CADPS2: variants seen among roughly 807,000 people sequenced by gnomAD.
CADPS2 encodes calcium dependent secretion activator 2.
A neutral mutation model predicts 172.5 loss-of-function variants in CADPS2; 93 were observed. That is an observed-to-expected ratio of 0.54 (90% CI 0.46 to 0.64). CADPS2 has a LOEUF of 0.64. Among genes scored for constraint, CADPS2 ranks in the 30% least tolerant of loss-of-function variants. The probability of loss-of-function intolerance (pLI) is 0.00; values close to 1 mark genes in which losing one functional copy is unlikely to be tolerated. For synonymous variants in CADPS2, 546 were observed against 555.2 expected (o/e 0.98, Z 0.23); for missense variants, 1,420 against 1,565.9 (o/e 0.91, Z 1.57).
intron 2 of CADPS2, among the ~76,000 whole-genome samples, chr7:122,718,326 G>A (rs1367230981): frequency 6.6e-6 from 1 of 151,942 alleles, no homozygotes; most frequent in African/African-American, 2.4e-5. Flanking sequence ...TGACAAGAAG[G>A]GGGAAGAGGA....
chr7:122,576,795 T>TG (rs1382451395), intron 7 of CADPS2, among the ~76,000 whole-genome samples: 3 of 146,980 alleles, frequency 2.0e-5, no homozygotes, highest in African/African-American at 7.6e-5. Context: ...TTTTTTGAGA[T>TG]GGAGTCTTGC....
At chr7:122,721,185 C>A (rs1375694175) in intron 2 of CADPS2, among the ~76,000 whole-genome samples, 1 of 151,846 alleles carries the variant, frequency 6.6e-6, no homozygotes, top group African/African-American at 2.4e-5. Flanking sequence ...ATAATTAATT[C>A]CTGCTTATAA....
At chr7:122,598,609 C>T (rs11769723) in intron 6 of CADPS2, among the ~76,000 whole-genome samples, 28,406 of 151,980 alleles carry the variant, frequency 0.19, 3,525 homozygotes, top group Non-Finnish European at 0.28. Flanking sequence ...TCCATTCAGA[C>T]TCATTTAACT....
At position 122,873,036 on chromosome 7, in the gene CADPS2, T is replaced by A. The variant is rs575161646; in HGVS notation, c.339+12963A>T. Among the ~76,000 whole-genome samples, 7 of 152,034 alleles carry A rather than the reference T, an allele frequency of 4.6e-5. No homozygotes were observed. In the East Asian group the frequency reaches 9.7e-4, roughly 21 times the overall value. The stretch of plus-strand genomic sequence containing the variant: ...TCTGTCCCTAGCTCCAGGAAAGGAG[T>A]ACAGAAATGCCCTTAAACACAGGGA... On this transcript the variant is annotated intron_variant, in intron 1 of 29. Transcript: ENST00000449022.
At chr7:122,343,579 A>G (rs9655839) in intron 28 of CADPS2, among the ~76,000 whole-genome samples, 3,168 of 152,302 alleles carry the variant, frequency 0.021, 105 homozygotes, top group African/African-American at 0.072. Context: ...GCAAGAATGG[A>G]TTGCAGTAAA....
At position 122,521,248 on chromosome 7, in the gene CADPS2, C is replaced by T. The variant is rs148011994; in HGVS notation, c.1476-7933G>A. Among the ~76,000 whole-genome samples the T allele has an allele frequency of 1.1e-4, 17 of 152,082 alleles. No individual in the cohort carries two copies. The East Asian group carries it at 1.4e-3, about 12-fold the overall frequency. On this transcript the variant is annotated intron_variant, in intron 8 of 29. Coordinates refer to ENST00000449022, the MANE Select transcript of CADPS2 (RefSeq NM_017954.11). ...ATCATCCACTTGTGAAAATGATTTT[C>T]GGTTCATTCTCAAACACCTTTCAGA... is the stretch of plus-strand genomic sequence containing the variant.
intron 3 of CADPS2, among the ~76,000 whole-genome samples, chr7:122,632,622 A>G (rs913990350): frequency 6.6e-6 from 1 of 152,142 alleles, no homozygotes; most frequent in African/African-American, 2.4e-5. Context: ...TAGTTTGCAA[A>G]TATTTTCTCC....
chr7:122,768,770 T>C (rs1336557843), intron 1 of CADPS2, among the ~76,000 whole-genome samples: 1 of 152,174 alleles, frequency 6.6e-6, no homozygotes, highest in African/African-American at 2.4e-5. Context: ...TTTTATGTCT[T>C]GTATTTCAGT....
At chr7:122,632,690 TTTAGA>T (rs2076691140) in intron 3 of CADPS2, among the ~76,000 whole-genome samples, 1 of 152,328 alleles carries the variant, frequency 6.6e-6, no homozygotes, top group African/African-American at 2.4e-5. Flanking sequence ...GCAGAATCTC[TTTAGA>T]TTAATTAGGT....
chr7:122,690,524 C>T lies in CADPS2; in HGVS notation c.454-26955G>A, dbSNP rs142403227. On this transcript the variant is annotated intron_variant, in intron 2 of 29. Transcript: ENST00000449022. ...ATCGCCAACCATCTGCAATGAGGGG[C>T]TTGGAGGGTCCATGGCTGACACCAG... Among the ~76,000 whole-genome samples the T allele has an allele frequency of 4.8e-3, 729 of 152,308 alleles. 8 individuals carry two copies. Among genetic ancestry groups the T allele is most frequent in the African/African-American group, 0.017 (706 of 41,584 alleles).
intron 14 of CADPS2, among the ~76,000 whole-genome samples, chr7:122,457,313 T>C (rs1386566465): frequency 6.6e-6 from 1 of 152,196 alleles, no homozygotes; most frequent in East Asian, 1.9e-4. Context: ...TTTGAACAGT[T>C]TGTGTTCACA....
intron 2 of CADPS2, among the ~76,000 whole-genome samples, chr7:122,731,298 G>C (rs1356192167): frequency 6.6e-6 from 1 of 151,364 alleles, no homozygotes; most frequent in African/African-American, 2.4e-5. Flanking sequence ...AGCAGAACTT[G>C]AAAGTTTGTA....
intron 7 of CADPS2, among the ~76,000 whole-genome samples, chr7:122,575,832 C>A (rs566360456): frequency 1.3e-5 from 2 of 152,128 alleles, no homozygotes; most frequent in African/African-American, 4.8e-5. Flanking sequence ...ACACTATAGA[C>A]GTTTTACGTT....
At chr7:122,638,920 C>T (rs904986319) in intron 3 of CADPS2, among the ~76,000 whole-genome samples, 4 of 152,190 alleles carry the variant, frequency 2.6e-5, no homozygotes, top group African/African-American at 9.7e-5. Flanking sequence ...TCACTATTTC[C>T]TCTCCACGAG....
intron 25 of CADPS2, 37 bp downstream of exon 25, chr7:122,379,331 C>T (rs746191999): frequency 1.5e-6 from 2 of 1,322,138 alleles, no homozygotes; most frequent in East Asian, 2.4e-5. Flanking sequence ...GACAATTTTT[C>T]ACTTTGATTT....
chr7:122,628,160 T>G (rs1250992028), intron 4 of CADPS2, among the ~76,000 whole-genome samples: 1 of 152,130 alleles, frequency 6.6e-6, no homozygotes, highest in Non-Finnish European at 1.5e-5. Flanking sequence ...TTTTCTCTAT[T>G]TTATTATTTA....
In CADPS2 at chr7:122,621,749, C is replaced by T. The variant is rs1315507505; in HGVS notation, c.868-32G>A. 1.2e-5 allele frequency: 15 copies of T among 1,212,488 alleles called. No homozygotes were observed. The Admixed American group carries it at 2.0e-4, about 16-fold the overall frequency. The allele number at this position is 1,212,488 out of a possible 1,614,324, so 75.1% of individuals were successfully genotyped here. A position where few individuals can be genotyped will look rare whatever the true frequency, so the allele number is the denominator to read the frequency against. ...AATAATTTTTAAAATAATAGTGTTACATAAGTCATATTTCAATTTTATCAT... is the reference window on the plus strand; with the variant it reads ...AATAATTTTTAAAATAATAGTGTTATATAAGTCATATTTCAATTTTATCAT... On this transcript the variant is annotated intron_variant, in intron 4 of 29. Transcript: ENST00000449022.
intron 27 of CADPS2, among the ~76,000 whole-genome samples, chr7:122,349,595 T>C (rs962557175): frequency 9.2e-5 from 14 of 152,098 alleles, no homozygotes; most frequent in African/African-American, 3.4e-4. Flanking sequence ...TCAAGAACTA[T>C]GGGAGGAAAT....
At chr7:122,611,493 A>G (rs2074287723) in intron 6 of CADPS2, among the ~76,000 whole-genome samples, 1 of 152,062 alleles carries the variant, frequency 6.6e-6, no homozygotes, top group Non-Finnish European at 1.5e-5. Flanking sequence ...GGCAAAAAAC[A>G]CAATTACTTT....
Sources: allele counts gnomAD v4.1 joint callset (sites outside exome capture counted in the v4.1 genomes callset), GRCh38; gene constraint gnomAD v4.1.1; transcripts MANE v1.5; gene names NCBI Gene and HGNC (gene_info 2026-07-23, HGNC 2026-07-21).